Variants in HOXB3 observed in about 807,000 individuals in gnomAD.
HOXB3 encodes the protein homeobox B3, also known as homeobox protein Hox-B3.
Under a neutral mutation model 29.2 loss-of-function variants are expected in HOXB3, and 17 were observed. The ratio of observed to expected loss-of-function variants is 0.58; its 90% CI spans 0.40 to 0.87. HOXB3 has a LOEUF of 0.87. Ranked by LOEUF, HOXB3 falls within the 40% of genes least tolerant of loss-of-function variation. The pLI is 0.00. For missense variants in HOXB3, 637 were observed against 616.3 expected, an observed-to-expected ratio of 1.03 and a Z score of -0.35; for synonymous variants, 317 against 285.9, an observed-to-expected ratio of 1.11 and a Z score of -1.10.
intron 2 of HOXB3, among the ~76,000 whole-genome samples, chr17:48,555,960 G>GA (rs564147929): frequency 2.2e-3 from 335 of 151,520 alleles, no homozygotes; most frequent in African/African-American, 7.7e-3. Context: ...TTTGCACAGG[G>GA]AAAAAAAACC....
chr17:48,563,565 C>T (rs982513241), intron 2 of HOXB3, among the ~76,000 whole-genome samples: 2 of 152,198 alleles, frequency 1.3e-5, no homozygotes, highest in African/African-American at 2.4e-5. Context: ...ACTATTCTCC[C>T]TCATCTGGGA....
chr17:48,549,500 A>G lies in HOXB3; in HGVS notation c.*834T>C, dbSNP rs1008139613. 2.6e-5 allele frequency: 4 copies of G among 152,670 alleles called. No homozygotes were observed. The highest frequency in any genetic ancestry group is 9.7e-5 in the African/African-American group (4 of 41,448). The allele number at this position is 152,670 out of a possible 1,614,324, so 9.5% of individuals were successfully genotyped here. ...TTTCACGTTAAGTCAAGAGAGCAACAGAAGAAAAGTATAGAACCTCGTGTC... is the reference window on the plus strand; with the variant it reads ...TTTCACGTTAAGTCAAGAGAGCAACGGAAGAAAAGTATAGAACCTCGTGTC... On this transcript the variant is annotated 3_prime_UTR_variant, in exon 5 of 5. Coordinates refer to ENST00000498678, the MANE Select transcript of HOXB3 (RefSeq NM_001384749.1).
chr17:48,590,078 G>A (rs2070120863), intron 1 of HOXB3, 47 bp downstream of exon 1: 3 of 152,208 alleles, frequency 2.0e-5, no homozygotes, highest in Admixed American at 1.3e-4. Context: ...CCCAGTCCCA[G>A]GCCCCAGAAT....
intron 2 of HOXB3, among the ~76,000 whole-genome samples, chr17:48,558,388 G>A (rs977758446): frequency 6.6e-6 from 1 of 152,130 alleles, no homozygotes; most frequent in African/African-American, 2.4e-5. Flanking sequence ...AGAGGACCGA[G>A]AAGCAAGAAA....
chr17:48,576,647 C>CA, intron 1 of HOXB3: 1 of 988,928 alleles, frequency 1.0e-6, no homozygotes, highest in East Asian at 3.6e-5. Flanking sequence ...GGGCCCCCTC[C>CA]TGTCCCCCCA....
intron 2 of HOXB3, chr17:48,559,735 A>G (rs1338246650): frequency 6.6e-6 from 1 of 152,300 alleles, no homozygotes; most frequent in Admixed American, 6.5e-5. Context: ...GGAGACTCGC[A>G]TAGACACTGC....
At chr17:48,581,414 A>C (rs1486216670) in intron 1 of HOXB3, 1 of 152,196 alleles carries the variant, frequency 6.6e-6, no homozygotes, top group African/African-American at 2.4e-5. Flanking sequence ...ACTCAGGGAG[A>C]CTAGAGTCTG....
In HOXB3 at chr17:48,552,573, C is replaced by A. The variant is rs1385518162; in HGVS notation, c.-99G>T. ...CTGGGGGTCACGTGACACGCCGGAC[C>A]CCCCCCCCCCACCTCCCCTCTCTGC... On this transcript the variant is annotated 5_prime_UTR_variant, in exon 4 of 5. Coordinates refer to ENST00000498678, the MANE Select transcript of HOXB3 (RefSeq NM_001384749.1). 1.8e-5 allele frequency: 10 copies of A among 557,518 alleles called. No homozygotes were observed. Among genetic ancestry groups the A allele is most frequent in the Middle Eastern group, 5.7e-4 (1 of 1,744 alleles). 34.5% of individuals were successfully genotyped at this position (557,518 alleles called of 1,614,324 possible).
At position 48,554,813 on chromosome 17, in the gene HOXB3, AGGGCTCC is replaced by A; in HGVS notation, c.-159+711_-159+717del. On this transcript the variant is annotated intron_variant, in intron 3 of 4. Coordinates refer to ENST00000498678, the MANE Select transcript of HOXB3 (RefSeq NM_001384749.1). The surrounding 1 kb of genome is among the most constrained non-coding windows in gnomAD (Gnocchi z 4.1). ...ACTCCGCTTCGGGACTTTGCTCAGC[AGGGCTCC>A]GGGTTGGAGGGCGCCGAGGCCTGGC... 1.4e-6 allele frequency: 1 copy of A among 702,334 alleles called. No homozygotes were observed. Among genetic ancestry groups the A allele is most frequent in the Non-Finnish European group, 2.6e-6 (1 of 384,804 alleles). The allele number at this position is 702,334 out of a possible 1,614,324, so 43.5% of individuals were successfully genotyped here.
At chr17:48,574,423 C>CCG (rs2069693500) in intron 1 of HOXB3, 1 of 152,608 alleles carries the variant, frequency 6.6e-6, no homozygotes. Flanking sequence ...GGACACCGGC[C>CCG]TGTCGGTTCC....
Position 48,555,626 on chromosome 17 carries a change from G to A in HOXB3, c.-246-8C>T. 1.4e-6 allele frequency: 1 copy of A among 702,506 alleles called. No individual in the cohort carries two copies. The highest frequency in any genetic ancestry group is 2.7e-5 in the East Asian group (1 of 37,282). The allele number at this position is 702,506 out of a possible 1,614,324, so 43.5% of individuals were successfully genotyped here. A position where few individuals can be genotyped will look rare whatever the true frequency, so the allele number is the denominator to read the frequency against. Reference sequence around the variant, plus strand: ...GGCGACAAATCTCCCCTCCTTGAAGGCAAAGGAAAAAAAGACCACTGTTTA... The same window carrying A: ...GGCGACAAATCTCCCCTCCTTGAAGACAAAGGAAAAAAAGACCACTGTTTA... On this transcript the variant is annotated splice_polypyrimidine_tract_variant and splice_region_variant and intron_variant, in intron 2 of 4. Transcript: ENST00000498678.
At chr17:48,574,056 A>G in intron 1 of HOXB3, 42 bp from the exon 2 acceptor site, 1 of 587,424 alleles carries the variant, frequency 1.7e-6, no homozygotes, top group East Asian at 2.8e-5. Flanking sequence ...GTATTTAAAG[A>G]AAAGAAGTGA....
chr17:48,577,117 T>G, intron 1 of HOXB3: 2 of 1,216,310 alleles, frequency 1.6e-6, no homozygotes, highest in East Asian at 2.4e-5. Flanking sequence ...CCTCCCTCCC[T>G]CTCCCGCCAC....
chr17:48,552,571 A>ACCCCCCCCCCCCCCCCCCCCCCCCC lies in HOXB3; in HGVS notation c.-98_-97insGGGGGGGGGGGGGGGGGGGGGGGGG, dbSNP rs59742556. The ACCCCCCCCCCCCCCCCCCCCCCCCC allele has an allele frequency of 2.0e-5, 10 of 504,638 alleles. No homozygotes were observed. Among genetic ancestry groups the ACCCCCCCCCCCCCCCCCCCCCCCCC allele is most frequent in the Admixed American group, 5.7e-5 (1 of 17,578 alleles). The allele number at this position is 504,638 out of a possible 1,614,324, so 31.3% of individuals were successfully genotyped here. A position where few individuals can be genotyped will look rare whatever the true frequency, so the allele number is the denominator to read the frequency against. Reference sequence around the variant, plus strand: ...CCCTGGGGGTCACGTGACACGCCGGACCCCCCCCCCCCACCTCCCCTCTCT... The same window carrying ACCCCCCCCCCCCCCCCCCCCCCCCC: ...CCCTGGGGGTCACGTGACACGCCGGACCCCCCCCCCCCCCCCCCCCCCCCCCCCCCCCCCCCCACCTCCCCTCTCT... On this transcript the variant is annotated 5_prime_UTR_variant, in exon 4 of 5. The change creates a premature stop within an existing upstream ORF in the 5' untranslated region. Coordinates refer to ENST00000498678, the MANE Select transcript of HOXB3 (RefSeq NM_001384749.1).
chr17:48,569,663 C>T (rs2069518062), intron 2 of HOXB3, among the ~76,000 whole-genome samples: 1 of 152,170 alleles, frequency 6.6e-6, no homozygotes, highest in Non-Finnish European at 1.5e-5. Flanking sequence ...CCCTCTCTTC[C>T]TAAATAATGG....
intron 1 of HOXB3, among the ~76,000 whole-genome samples, chr17:48,583,287 C>T (rs1031023543): frequency 2.6e-5 from 4 of 152,066 alleles, no homozygotes; most frequent in Admixed American, 6.6e-5. Context: ...AATAGCTTCC[C>T]CCTCCCCCCG....
At chr17:48,569,890 T>C (rs2069525957) in intron 2 of HOXB3, among the ~76,000 whole-genome samples, 1 of 152,172 alleles carries the variant, frequency 6.6e-6, no homozygotes, top group Admixed American at 6.5e-5. Context: ...TTGTTACTAC[T>C]ATAGGAAATC....
chr17:48,587,337 G>A (rs913705819), intron 1 of HOXB3, among the ~76,000 whole-genome samples: 6 of 152,028 alleles, frequency 3.9e-5, no homozygotes, highest in African/African-American at 1.2e-4. Context: ...CTCAAAATCC[G>A]ATTACTCTGA....
At chr17:48,576,867 C>A (rs772599680) in intron 1 of HOXB3, 1 of 1,614,232 alleles carries the variant, frequency 6.2e-7, no homozygotes, top group Non-Finnish European at 8.5e-7. Flanking sequence ...CTTGATCTGG[C>A]GCTCGGAGAG....
Sources: allele counts gnomAD v4.1 joint callset (sites outside exome capture counted in the v4.1 genomes callset), GRCh38; gene constraint gnomAD v4.1.1; non-coding constraint Gnocchi (gnomAD v3.1); transcripts MANE v1.5; gene names NCBI Gene and HGNC (gene_info 2026-07-23, HGNC 2026-07-21).